The following RIPOR2 variants were observed in gnomAD, a reference collection of about 807,000 sequenced individuals.
The protein encoded by RIPOR2 is RHO family interacting cell polarization regulator 2.
Under a neutral mutation model 114.5 loss-of-function variants are expected in RIPOR2, and 39 were observed. The ratio of observed to expected loss-of-function variants is 0.34; its 90% confidence interval spans 0.26 to 0.44. The LOEUF (loss-of-function observed/expected upper bound fraction) is 0.44, where lower values mean the gene tolerates loss of function less well. RIPOR2 is among the 20% of genes least tolerant of loss of function. The pLI, the probability that RIPOR2 is intolerant of heterozygous loss-of-function variation, is 1.00. For missense variants in RIPOR2, 1,007 were observed against 1,255.1 expected (o/e 0.80, Z 2.99); for synonymous variants, 445 against 484.4 (o/e 0.92, Z 1.07).
intron 1 of RIPOR2, among the ~76,000 whole-genome samples, chr6:24,927,245 TCACCAC>T (rs1205896779): frequency 2.2e-5 from 1 of 44,470 alleles, no homozygotes; most frequent in Non-Finnish European, 4.5e-5. Context: ...ACAACTACAA[TCACCAC>T]CACCACCACC....
chr6:24,954,152 G>A (rs941074516), intron 1 of RIPOR2, among the ~76,000 whole-genome samples: 2 of 152,198 alleles, frequency 1.3e-5, no homozygotes, highest in Non-Finnish European at 2.9e-5. Context: ...TTACCTGGAG[G>A]GCGGGTTGGT....
At chr6:24,847,515 C>T (rs1762431504) in intron 12 of RIPOR2, 3 of 1,548,680 alleles carry the variant, frequency 1.9e-6, no homozygotes, top group African/African-American at 1.4e-5. Context: ...AAGTCAAGCA[C>T]TCCATACCCG....
intron 1 of RIPOR2, among the ~76,000 whole-genome samples, chr6:25,040,155 G>A (rs571879070): frequency 8.8e-5 from 13 of 148,496 alleles, no homozygotes; most frequent in African/African-American, 2.2e-4. Context: ...TTCGCTCATC[G>A]CCCAGGCTGG....
intron 1 of RIPOR2, among the ~76,000 whole-genome samples, chr6:24,930,927 A>G (rs1771343029): frequency 6.6e-6 from 1 of 152,216 alleles, no homozygotes; most frequent in African/African-American, 2.4e-5. Flanking sequence ...CAATGCTTGT[A>G]TTTATTTATG....
chr6:25,034,269 T>A (rs1254713609), intron 1 of RIPOR2, among the ~76,000 whole-genome samples: 1 of 151,110 alleles, frequency 6.6e-6, no homozygotes, highest in African/African-American at 2.4e-5. Flanking sequence ...CAAGACATAT[T>A]TTTCAGTGCT....
chr6:25,000,281 T>C (rs1251837039), intron 1 of RIPOR2, among the ~76,000 whole-genome samples: 1 of 152,104 alleles, frequency 6.6e-6, no homozygotes, highest in Admixed American at 6.5e-5. Flanking sequence ...TCATGTTAGC[T>C]CTGTAGCACT....
chr6:25,040,502 C>G (rs915768187), intron 1 of RIPOR2, among the ~76,000 whole-genome samples: 1 of 151,884 alleles, frequency 6.6e-6, no homozygotes. Flanking sequence ...CACGTTGCCT[C>G]AGAACATTGG....
At chr6:24,949,130 G>T (rs970540906) in intron 1 of RIPOR2, among the ~76,000 whole-genome samples, 1 of 151,836 alleles carries the variant, frequency 6.6e-6, no homozygotes. Context: ...TTTGAAAAGC[G>T]CCACCCATCC....
chr6:24,867,660 A>C (rs958671190), intron 6 of RIPOR2, among the ~76,000 whole-genome samples: 5 of 152,198 alleles, frequency 3.3e-5, no homozygotes, highest in East Asian at 3.9e-4. Flanking sequence ...GTGTAGTGAG[A>C]AAGTTTATTC....
chr6:24,920,620 T>C (rs1413791505), intron 1 of RIPOR2, among the ~76,000 whole-genome samples: 1 of 152,232 alleles, frequency 6.6e-6, no homozygotes, highest in African/African-American at 2.4e-5. Flanking sequence ...TATATGCTGC[T>C]TTATAGGCAA....
intron 1 of RIPOR2, among the ~76,000 whole-genome samples, chr6:24,949,317 C>G (rs146036345): frequency 6.6e-6 from 1 of 152,244 alleles, no homozygotes; most frequent in East Asian, 1.9e-4. Context: ...AAGCAAAACC[C>G]AGAACTCAAA....
In RIPOR2 at chr6:24,842,847, T is replaced by G. The variant is rs978135552; in HGVS notation, c.1857+15A>C. 1.3e-5 allele frequency: 18 copies of G among 1,404,236 alleles called. No individual in the cohort carries two copies. The highest frequency in any genetic ancestry group is 1.7e-5 in the Non-Finnish European group (18 of 1,066,590). 87.0% of individuals were successfully genotyped at this position (1,404,236 alleles called of 1,614,324 possible). Reference sequence around the variant, plus strand: ...CTCTCCAAACCTAATCCAATTTCTCTGAAAAGGTACTTACTTTTAGAATAT... The same window carrying G: ...CTCTCCAAACCTAATCCAATTTCTCGGAAAAGGTACTTACTTTTAGAATAT... On this transcript the variant is annotated intron_variant, in intron 13 of 21. Coordinates refer to ENST00000643898, the MANE Select transcript of RIPOR2 (RefSeq NM_001286445.3).
chr6:25,011,689 T>C (rs1775780289), intron 1 of RIPOR2, among the ~76,000 whole-genome samples: 2 of 152,312 alleles, frequency 1.3e-5, no homozygotes, highest in East Asian at 3.9e-4. Flanking sequence ...CTACTAAAAA[T>C]TGACTGCATG....
intron 20 of RIPOR2, among the ~76,000 whole-genome samples, chr6:24,817,978 C>CTTTTTTTTTTTTTTTTTTTTTTT (rs57294288): frequency 8.4e-6 from 1 of 118,364 alleles, no homozygotes; most frequent in Non-Finnish European, 1.7e-5. Context: ...CTCTCTCTCT[C>CTTTTTTTTTTTTTTTTTTTTTTT]TTTTTTTTTG....
chr6:24,810,156 C>T (rs959009474), intron 20 of RIPOR2, among the ~76,000 whole-genome samples: 2 of 152,176 alleles, frequency 1.3e-5, no homozygotes, highest in Admixed American at 6.5e-5. Flanking sequence ...CTAAAAACCA[C>T]TTTACCTATG....
At chr6:24,898,925 T>C (rs1439231624) in intron 1 of RIPOR2, among the ~76,000 whole-genome samples, 1 of 151,204 alleles carries the variant, frequency 6.6e-6, no homozygotes, top group Non-Finnish European at 1.5e-5. Flanking sequence ...TATTGTAACC[T>C]GTCTCAACTC....
At position 24,847,420 on chromosome 6, in the gene RIPOR2, C is replaced by T. The variant is rs964364737; in HGVS notation, c.1164+605G>A. ...ACGACCAAGTGTCCCGCCCCAAGGA[C>T]AGTACAGCTGTAACCATACCCAGTG... On this transcript the variant is annotated intron_variant, in intron 12 of 21. Coordinates refer to ENST00000643898, the MANE Select transcript of RIPOR2 (RefSeq NM_001286445.3). 5 of 958,966 alleles carry T rather than the reference C, an allele frequency of 5.2e-6. No homozygotes were observed. In the Admixed American group the frequency reaches 1.1e-4, roughly 21 times the overall value. The allele number at this position is 958,966 out of a possible 1,614,324, so 59.4% of individuals were successfully genotyped here. A position where few individuals can be genotyped will look rare whatever the true frequency, so the allele number is the denominator to read the frequency against.
At chr6:24,999,558 C>CTTT (rs34050235) in intron 1 of RIPOR2, among the ~76,000 whole-genome samples, 1 of 137,694 alleles carries the variant, frequency 7.3e-6, no homozygotes. Flanking sequence ...CTGACTCATC[C>CTTT]TTTTTTTTTT....
intron 1 of RIPOR2, among the ~76,000 whole-genome samples, chr6:24,941,490 C>T (rs1408304653): frequency 6.6e-6 from 1 of 152,158 alleles, no homozygotes; most frequent in African/African-American, 2.4e-5. Flanking sequence ...CACTTTGAAT[C>T]AGTAAAATGG....
Sources: allele counts gnomAD v4.1 joint callset (sites outside exome capture counted in the v4.1 genomes callset), GRCh38; gene constraint gnomAD v4.1.1; transcripts MANE v1.5; gene names NCBI Gene and HGNC (gene_info 2026-07-23, HGNC 2026-07-21).